The following ADGRG1 variants were observed in gnomAD, a reference collection of about 807,000 sequenced individuals.
ADGRG1 encodes the protein adhesion G protein-coupled receptor G1.
Under a neutral mutation model 73.5 loss-of-function variants are expected in ADGRG1, and 53 were observed. The observed-to-expected ratio is 0.72, with a 90% CI of 0.58 to 0.91. The LOEUF (loss-of-function observed/expected upper bound fraction) is 0.91, where lower values mean the gene tolerates loss of function less well. Ranked by LOEUF, ADGRG1 falls within the 40% of genes least tolerant of loss-of-function variation. ADGRG1 has a pLI of 0.00. For missense variants in ADGRG1, 795 were observed against 871.8 expected (o/e 0.91, Z 1.11); for synonymous variants, 394 against 374.4 (o/e 1.05, Z -0.60).
At chr16:57,653,943 G>A (rs768352195) in intron 4 of ADGRG1, 43 bp from the exon 5 acceptor site, 5 of 1,612,020 alleles carry the variant, frequency 3.1e-6, no homozygotes, top group African/African-American at 2.7e-5. Context: ...CTGGTGGCCC[G>A]GCCCCCTCCC....
chr16:57,633,525 C>A (rs2038551297), intron 1 of ADGRG1: 12 of 985,144 alleles, frequency 1.2e-5, no homozygotes, highest in Non-Finnish European at 1.4e-5. Context: ...CTAGGAGAGG[C>A]AGCACGAGGT....
intron 13 of ADGRG1, among the ~76,000 whole-genome samples, chr16:57,662,632 A>G (rs1475046240): frequency 6.6e-6 from 1 of 151,756 alleles, no homozygotes; most frequent in Non-Finnish European, 1.5e-5. Flanking sequence ...AAAGATCCTG[A>G]GGTTGGAACC....
chr16:57,641,608 C>A, intron 1 of ADGRG1: 7 of 941,618 alleles, frequency 7.4e-6, no homozygotes, highest in Non-Finnish European at 8.8e-6. Context: ...CTCTGTCACA[C>A]AGGCTGGAGT....
chr16:57,628,075 G>A (rs1341503875), upstream of ADGRG1: 1 of 985,234 alleles, frequency 1.0e-6, no homozygotes, highest in Admixed American at 6.1e-5. Context: ...CCCCCGGGGG[G>A]ACGCAGGTCA....
At chr16:57,646,775 T>C in intron 1 of ADGRG1, 1 of 896,764 alleles carries the variant, frequency 1.1e-6, no homozygotes, top group Non-Finnish European at 1.3e-6. Flanking sequence ...ATCTGTAAAA[T>C]GGTAGCAGTG....
chr16:57,652,729 T>G, intron 3 of ADGRG1: 1 of 1,012,866 alleles, frequency 9.9e-7, no homozygotes. Context: ...CTGTTTGTCT[T>G]CCTCATCTGA....
chr16:57,644,767 CACACACACATAT>C (rs2042037280), intron 1 of ADGRG1, among the ~76,000 whole-genome samples: 1 of 143,040 alleles, frequency 7.0e-6, no homozygotes, highest in Admixed American at 6.9e-5. Flanking sequence ...CACACCCATG[CACACACACATAT>C]GCACACTCAT....
chr16:57,660,639 A>T (rs960898482), intron 11 of ADGRG1, 129 bp from the exon 12 acceptor site: 4 of 1,519,968 alleles, frequency 2.6e-6, no homozygotes, highest in Admixed American at 4.0e-5. Flanking sequence ...TCCCCACCAG[A>T]TGGGGCTGGG....
upstream of ADGRG1, chr16:57,628,444 A>C (rs1387367495): frequency 2.5e-5 from 22 of 894,056 alleles, no homozygotes; most frequent in Non-Finnish European, 2.9e-5. Context: ...GCGCTGAGTC[A>C]TGGGCATCCC....
rs2039162747 is a variant in ADGRG1, at chr16:57,635,639, GCC to G, written c.-36+6840_-36+6841del. On this transcript the variant is annotated intron_variant, in intron 1 of 13. Coordinates refer to ENST00000562631, the MANE Select transcript of ADGRG1 (RefSeq NM_201525.4). Reference sequence around the variant, plus strand: ...ACAGGAGTGAGCAAGGTCCAACCCCGCCCCTGTTCCCTGGGCCGTGAGGCTTT... The same window carrying G: ...ACAGGAGTGAGCAAGGTCCAACCCCGCCTGTTCCCTGGGCCGTGAGGCTTT... 5 of 984,806 alleles carry G rather than the reference GCC, an allele frequency of 5.1e-6. No individual in the cohort carries two copies. The Admixed American group carries it at 3.1e-4, about 61-fold the overall frequency. The allele number at this position is 984,806 out of a possible 1,614,324, so 61.0% of individuals were successfully genotyped here.
At chr16:57,626,456 T>A (rs2035840051), upstream of ADGRG1, 2 of 296,702 alleles carry the variant, frequency 6.7e-6, no homozygotes, top group African/African-American at 4.6e-5. Context: ...ACCAGGCTTG[T>A]CTCTCTAGCC....
chr16:57,650,108 G>A (rs1391858591), intron 1 of ADGRG1, 145 bp from the exon 2 acceptor site: 7 of 1,486,520 alleles, frequency 4.7e-6, no homozygotes, highest in Non-Finnish European at 6.3e-6. Context: ...GCCTCTGGCC[G>A]CTCTGGGGAG....
intron 1 of ADGRG1, among the ~76,000 whole-genome samples, chr16:57,639,053 G>A (rs1597234264): frequency 1.3e-5 from 2 of 151,092 alleles, no homozygotes; most frequent in African/African-American, 2.4e-5. Flanking sequence ...CTGGGCGAAA[G>A]AGCGAAACTC....
At position 57,635,757 on chromosome 16, in the gene ADGRG1, G is replaced by A. The variant is rs2039193418; in HGVS notation, c.-36+6955G>A. 15 of 985,352 alleles carry A rather than the reference G, an allele frequency of 1.5e-5. 1 individual carries two copies. The South Asian group carries it at 6.6e-4, about 43-fold the overall frequency. The allele number at this position is 985,352 out of a possible 1,614,324, so 61.0% of individuals were successfully genotyped here. On this transcript the variant is annotated intron_variant, in intron 1 of 13. Coordinates refer to ENST00000562631, the MANE Select transcript of ADGRG1 (RefSeq NM_201525.4). ...TCCATGTCGTTGCCAGGGCATGCAG[G>A]ACAACAGAGGCAGCCCAGGGAAAGG...
At chr16:57,635,290 G>T in intron 1 of ADGRG1, 1 of 985,058 alleles carries the variant, frequency 1.0e-6, no homozygotes. Context: ...CTATGCCATG[G>T]CTGTCCTGGC....
In ADGRG1 at chr16:57,657,366, G is replaced by C. The variant is rs745592076; in HGVS notation, c.1168-7G>C. Reference sequence around the variant, plus strand: ...GAGGCCAGCTCTCTCCTGTCTCCTGGGGCCAGGTCTCCTCGGTGGAGGTGG... The same window carrying C: ...GAGGCCAGCTCTCTCCTGTCTCCTGCGGCCAGGTCTCCTCGGTGGAGGTGG... On this transcript the variant is annotated splice_polypyrimidine_tract_variant and splice_region_variant and intron_variant, in intron 9 of 13. Coordinates refer to ENST00000562631, the MANE Select transcript of ADGRG1 (RefSeq NM_201525.4). 2 of 1,613,998 alleles carry C rather than the reference G, an allele frequency of 1.2e-6. No homozygotes were observed. Among genetic ancestry groups the C allele is most frequent in the Admixed American group, 3.3e-5 (2 of 60,034 alleles).
At chr16:57,661,210 C>A in intron 12 of ADGRG1, 1 of 854,708 alleles carries the variant, frequency 1.2e-6, no homozygotes, top group Non-Finnish European at 1.4e-6. Context: ...GATGGGAAGA[C>A]AGAGGCTCAG....
chr16:57,634,288 C>T (rs1456169301), intron 1 of ADGRG1: 1 of 985,268 alleles, frequency 1.0e-6, no homozygotes, highest in Non-Finnish European at 1.2e-6. Context: ...CTGCCCAGAC[C>T]CACCTGCTTT....
At chr16:57,626,920 G>C (rs991767171), upstream of ADGRG1, 12 of 985,316 alleles carry the variant, frequency 1.2e-5, no homozygotes, top group Non-Finnish European at 1.3e-5. Context: ...CCCAGTGTAG[G>C]CTGGCCTCTG....
Sources: gnomAD v4.1 joint callset for allele counts (sites outside exome capture counted in the v4.1 genomes callset) on GRCh38, gnomAD v4.1.1 for gene constraint, MANE v1.5 for transcripts, NCBI Gene and HGNC (gene_info 2026-07-23, HGNC 2026-07-21) for gene names.